OSBPL9: variants seen among roughly 807,000 people sequenced by gnomAD.
The protein encoded by OSBPL9 is oxysterol binding protein like 9.
A neutral mutation model predicts 106.6 loss-of-function variants in OSBPL9; 40 were observed. The ratio of observed to expected loss-of-function variants is 0.38; its 90% CI spans 0.29 to 0.49. The LOEUF (loss-of-function observed/expected upper bound fraction) is 0.49, where lower values mean the gene tolerates loss of function less well. Among genes scored for constraint, OSBPL9 ranks in the 20% least tolerant of loss-of-function variants. OSBPL9 has a pLI of 0.97. For missense variants in OSBPL9, 609 were observed against 887.2 expected (o/e 0.69, Z 3.98); for synonymous variants, 269 against 295.4 (o/e 0.91, Z 0.92).
Position 51,787,940 on chromosome 1 carries a change from A to T in OSBPL9, c.*151A>T. The T allele has an allele frequency of 1.5e-6, 1 of 655,652 alleles. No individual in the cohort carries two copies. Among genetic ancestry groups the T allele is most frequent in the Non-Finnish European group, 2.6e-6 (1 of 388,800 alleles). The allele number at this position is 655,652 out of a possible 1,614,324, so 40.6% of individuals were successfully genotyped here. The stretch of plus-strand genomic sequence containing the variant: ...ATACTGGACTTTCTGACGCAGATGA[A>T]CAATTAAGGGGAAAAGCTTCCCTTT... On this transcript the variant is annotated 3_prime_UTR_variant, in exon 24 of 24. Transcript: ENST00000428468.
intron 1 of OSBPL9, among the ~76,000 whole-genome samples, chr1:51,638,171 T>A (rs1645571722): frequency 6.6e-6 from 1 of 152,108 alleles, no homozygotes; most frequent in Non-Finnish European, 1.5e-5. Flanking sequence ...ATTGAATCAA[T>A]AGACATTAAA....
chr1:51,654,324 C>G (rs1646695569), intron 2 of OSBPL9, among the ~76,000 whole-genome samples: 1 of 152,134 alleles, frequency 6.6e-6, no homozygotes, highest in African/African-American at 2.4e-5. Context: ...TAATGACAGG[C>G]TATCATTTTG....
At chr1:51,610,130 T>C (rs986770284) in intron 2 of OSBPL9, among the ~76,000 whole-genome samples, 1 of 152,248 alleles carries the variant, frequency 6.6e-6, no homozygotes, top group Non-Finnish European at 1.5e-5. Context: ...AGATAATTGC[T>C]ACCTGAATTA....
chr1:51,786,398 T>C lies in OSBPL9; in HGVS notation c.1909-128T>C. 4 of 623,022 alleles carry C rather than the reference T, an allele frequency of 6.4e-6. No homozygotes were observed. In the South Asian group the frequency reaches 7.9e-5, roughly 12 times the overall value. 38.6% of individuals were successfully genotyped at this position (623,022 alleles called of 1,614,324 possible). On this transcript the variant is annotated intron_variant, in intron 21 of 23. Coordinates refer to ENST00000428468, the MANE Select transcript of OSBPL9 (RefSeq NM_024586.6). Reference sequence around the variant, plus strand: ...AAACAGAGGAAAGATGTTATGAAATTAACAGGAGGAGCCAGTTAACTGCAT... The same window carrying C: ...AAACAGAGGAAAGATGTTATGAAATCAACAGGAGGAGCCAGTTAACTGCAT...
At chr1:51,782,950 T>C (rs1177538269) in intron 17 of OSBPL9, among the ~76,000 whole-genome samples, 1 of 152,170 alleles carries the variant, frequency 6.6e-6, no homozygotes, top group Non-Finnish European at 1.5e-5. Flanking sequence ...GTGAGACAGT[T>C]TATATAAGTG....
chr1:51,573,546 T>C (rs997269338), upstream of OSBPL9, among the ~76,000 whole-genome samples: 1 of 131,680 alleles, frequency 7.6e-6, no homozygotes. Flanking sequence ...CCAGGCACGG[T>C]GGTTCACACC....
upstream of OSBPL9, among the ~76,000 whole-genome samples, chr1:51,576,609 C>T (rs140962479): frequency 0.07 from 10,705 of 151,990 alleles, 896 homozygotes; most frequent in African/African-American, 0.21. Flanking sequence ...CTCACTGCAG[C>T]CTCAATCTCC....
rs776030726 is a variant in OSBPL9 at position 51,787,782 on chromosome 1, A to G, written c.2204A>G (p.Lys735Arg). ...EPLLKRLGAA[K>R]H The stretch of plus-strand genomic sequence containing the variant: ...TTACTGAAACGTCTTGGTGCTGCCA[A>G]GCATTAGGTTGGAAGATGCAAAGTT... Residue 735 changes from lysine to arginine, a missense_variant, in exon 24 of 24, where the codon AAG (lysine) becomes AGG (arginine). Around this residue, in one of 5 missense-constraint regions of OSBPL9, gnomAD observed 132 missense variants for 158.1 expected, o/e 0.83. Transcript: ENST00000428468. 4 of 1,612,452 alleles carry G rather than the reference A, an allele frequency of 2.5e-6. No individual in the cohort carries two copies. The highest frequency in any genetic ancestry group is 3.4e-6 in the Non-Finnish European group (4 of 1,178,968).
At chr1:51,776,314 G>T (rs1420638670) in intron 14 of OSBPL9, among the ~76,000 whole-genome samples, 2 of 152,200 alleles carry the variant, frequency 1.3e-5, no homozygotes, top group African/African-American at 4.8e-5. Context: ...AGCAACAGCA[G>T]TAGAAAGTGC....
At chr1:51,656,652 T>TC (rs1401787853) in intron 2 of OSBPL9, among the ~76,000 whole-genome samples, 1 of 135,376 alleles carries the variant, frequency 7.4e-6, no homozygotes, top group African/African-American at 2.7e-5. Flanking sequence ...CTGCTTCTCC[T>TC]CCCCCTCCTC....
chr1:51,767,103 A>C (rs1394849097), intron 12 of OSBPL9, among the ~76,000 whole-genome samples: 4 of 151,204 alleles, frequency 2.6e-5, no homozygotes, highest in Non-Finnish European at 4.4e-5. Context: ...CAACAAAAAC[A>C]GTTTAGGGAG....
At chr1:51,712,671 T>C (rs1040472008) in intron 3 of OSBPL9, among the ~76,000 whole-genome samples, 8 of 152,204 alleles carry the variant, frequency 5.3e-5, no homozygotes, top group South Asian at 2.1e-4. Context: ...GAAAAAATTA[T>C]GTCATTTATG....
the OSBPL9 span, among the ~76,000 whole-genome samples, chr1:51,550,878 T>G: frequency 6.6e-6 from 1 of 152,186 alleles, no homozygotes; most frequent in African/African-American, 2.4e-5. Context: ...AGGATTAAGT[T>G]TATACAGAAG....
chr1:51,758,867 C>T (rs953418122), intron 9 of OSBPL9, among the ~76,000 whole-genome samples: 2 of 152,082 alleles, frequency 1.3e-5, no homozygotes, highest in African/African-American at 4.8e-5. Flanking sequence ...AAGAACAACT[C>T]CATGTTTGTT....
chr1:51,777,749 T>C (rs1675403540), intron 15 of OSBPL9, among the ~76,000 whole-genome samples: 2 of 152,118 alleles, frequency 1.3e-5, no homozygotes, highest in Admixed American at 1.3e-4. Context: ...AATTTAAGCA[T>C]TTATTAGTAA....
chr1:51,572,811 T>C (rs773179969), upstream of OSBPL9, among the ~76,000 whole-genome samples: 45 of 152,236 alleles, frequency 3.0e-4, no homozygotes, highest in Non-Finnish European at 5.1e-4. Context: ...AATGGACATA[T>C]TATATTTGTG....
Position 51,789,213 on chromosome 1 carries a change from A to C in OSBPL9, c.*1424A>C. On this transcript the variant is annotated 3_prime_UTR_variant, in exon 24 of 24. Coordinates refer to ENST00000428468, the MANE Select transcript of OSBPL9 (RefSeq NM_024586.6). ...CACATTTTAAAATACACATTGCTTC[A>C]GGCCAACGTGACTGCAGTTTATTTA... 6.3e-7 allele frequency: 1 copy of C among 1,599,926 alleles called. No homozygotes were observed. The highest frequency in any genetic ancestry group is 8.6e-7 in the Non-Finnish European group (1 of 1,167,328).
At chr1:51,533,592 C>G in the OSBPL9 span, among the ~76,000 whole-genome samples, 199 of 151,466 alleles carry the variant, frequency 1.3e-3, no homozygotes, top group African/African-American at 4.7e-3. Flanking sequence ...ACGTAAGGGT[C>G]AGATCAAGGA....
At chr1:51,639,609 A>G (rs1419886961) in intron 1 of OSBPL9, among the ~76,000 whole-genome samples, 1 of 152,164 alleles carries the variant, frequency 6.6e-6, no homozygotes, top group Non-Finnish European at 1.5e-5. Context: ...TAAGATAGAA[A>G]TAATAAGTGC....
Sources: gnomAD v4.1 joint callset for allele counts (sites outside exome capture counted in the v4.1 genomes callset) on GRCh38, gnomAD v4.1.1 for gene constraint, gnomAD v4.1.1 regional missense constraint, MANE v1.5 for transcripts, NCBI Gene and HGNC (gene_info 2026-07-23, HGNC 2026-07-21) for gene names.